The following DACH1 variants were observed in gnomAD, a reference collection of about 807,000 sequenced individuals.
The protein encoded by DACH1 is dachshund homolog 1.
In DACH1, 12 loss-of-function variants were observed where a neutral mutation model predicts 54.2. The ratio of observed to expected loss-of-function variants is 0.22; its 90% CI spans 0.14 to 0.36. The LOEUF is 0.36. DACH1 is among the 10% of genes least tolerant of loss of function. DACH1 has a pLI of 1.00. For synonymous variants in DACH1, 386 were observed against 366.2 expected, an observed-to-expected ratio of 1.05 and a Z score of -0.62; for missense variants, 805 against 929.8, an observed-to-expected ratio of 0.87 and a Z score of 1.75.
chr13:71,498,740 T>C (rs1879657259), intron 6 of DACH1, among the ~76,000 whole-genome samples: 1 of 151,784 alleles, frequency 6.6e-6, no homozygotes, highest in Non-Finnish European at 1.5e-5. Flanking sequence ...AGAGGTTGTA[T>C]GAGGAAACCA....
chr13:71,709,035 A>G (rs1223689186), intron 1 of DACH1, among the ~76,000 whole-genome samples: 1 of 151,406 alleles, frequency 6.6e-6, no homozygotes, highest in Admixed American at 6.6e-5. Flanking sequence ...TTGTATTTTT[A>G]GTAGAGACGG....
chr13:71,493,099 C>T (rs1879126767), intron 6 of DACH1, among the ~76,000 whole-genome samples: 1 of 150,792 alleles, frequency 6.6e-6, no homozygotes. Flanking sequence ...GATTTCTTAT[C>T]CTGTTAGTCA....
intron 2 of DACH1, among the ~76,000 whole-genome samples, chr13:71,661,651 C>T (rs1879497697): frequency 6.6e-6 from 1 of 151,912 alleles, no homozygotes; most frequent in Non-Finnish European, 1.5e-5. Context: ...AAAAAAAGAT[C>T]CCTTGAAATT....
At chr13:71,511,294 A>C (rs1880756013) in intron 6 of DACH1, among the ~76,000 whole-genome samples, 1 of 152,044 alleles carries the variant, frequency 6.6e-6, no homozygotes. Flanking sequence ...AGATTGAGAA[A>C]AAAATTTGTG....
intron 10 of DACH1, among the ~76,000 whole-genome samples, chr13:71,456,496 C>T (rs965676287): frequency 3.9e-5 from 6 of 151,970 alleles, no homozygotes; most frequent in African/African-American, 1.4e-4. Context: ...TTTCGAGAAG[C>T]ATTATGAATT....
chr13:71,854,518 C>T (rs1162968036), intron 1 of DACH1, among the ~76,000 whole-genome samples: 4 of 152,088 alleles, frequency 2.6e-5, no homozygotes, highest in East Asian at 3.9e-4. Context: ...GAGTTTTTAA[C>T]GTGTCTTTAT....
chr13:71,732,891 G>A (rs1484896029), intron 1 of DACH1, among the ~76,000 whole-genome samples: 1 of 152,066 alleles, frequency 6.6e-6, no homozygotes, highest in Non-Finnish European at 1.5e-5. Flanking sequence ...ACACTGGAAT[G>A]TCTTTATGGT....
intron 1 of DACH1, among the ~76,000 whole-genome samples, chr13:71,835,309 G>A (rs1402612475): frequency 6.6e-6 from 1 of 151,960 alleles, no homozygotes. Flanking sequence ...CAAAAGGACT[G>A]GAAGAAGTAA....
intron 10 of DACH1, among the ~76,000 whole-genome samples, chr13:71,462,499 C>T (rs1931482): frequency 0.92 from 139,936 of 151,736 alleles, 65,496 homozygotes; most frequent in Non-Finnish European, 1. Flanking sequence ...CCTCAAAGAA[C>T]AGCTATGTAT....
intron 1 of DACH1, among the ~76,000 whole-genome samples, chr13:71,748,497 A>G (rs1418600970): frequency 6.6e-6 from 1 of 152,204 alleles, no homozygotes; most frequent in African/African-American, 2.4e-5. Flanking sequence ...TTGCTTCGCT[A>G]GAATGATATT....
intron 1 of DACH1, among the ~76,000 whole-genome samples, chr13:71,695,080 G>A (rs1327125463): frequency 6.6e-6 from 1 of 152,190 alleles, no homozygotes; most frequent in Non-Finnish European, 1.5e-5. Context: ...TTAGAGAGAA[G>A]TCTAGAAAAG....
At position 71,747,808 on chromosome 13, in the gene DACH1, T is replaced by G. The variant is rs1331933611; in HGVS notation, c.849-65898A>C. Among the ~76,000 whole-genome samples, 5 of 152,142 alleles carry G rather than the reference T, an allele frequency of 3.3e-5. No individual in the cohort carries two copies. The East Asian group carries it at 9.6e-4, about 29-fold the overall frequency. On this transcript the variant is annotated intron_variant, in intron 1 of 10. Transcript: ENST00000613252. The stretch of plus-strand genomic sequence containing the variant: ...CATCCTAGCCTCCTTTCTCTGGGAA[T>G]TTTTAATGAATTGTGTCCTAATGGG...
chr13:71,626,209 A>T (rs1876634278), intron 3 of DACH1, among the ~76,000 whole-genome samples: 2 of 151,980 alleles, frequency 1.3e-5, no homozygotes, highest in Admixed American at 1.3e-4. Context: ...GTAAGATACT[A>T]GGTTTAGCAA....
At chr13:71,699,677 T>A (rs541607931) in intron 1 of DACH1, among the ~76,000 whole-genome samples, 1 of 152,206 alleles carries the variant, frequency 6.6e-6, no homozygotes, top group South Asian at 2.1e-4. Context: ...TGTTATTGCA[T>A]CAATCCAAAT....
chr13:71,491,426 C>T (rs1878969739), intron 6 of DACH1, among the ~76,000 whole-genome samples: 1 of 152,064 alleles, frequency 6.6e-6, no homozygotes, highest in Non-Finnish European at 1.5e-5. Context: ...TTTCCTGCAG[C>T]TGTTTTAATG....
chr13:71,710,115 T>G (rs1405760954), intron 1 of DACH1, among the ~76,000 whole-genome samples: 1 of 152,172 alleles, frequency 6.6e-6, no homozygotes, highest in African/African-American at 2.4e-5. Flanking sequence ...AATGTGATTA[T>G]AAATAGTCTA....
intron 2 of DACH1, among the ~76,000 whole-genome samples, chr13:71,634,404 C>T (rs1304175071): frequency 1.3e-5 from 2 of 152,168 alleles, no homozygotes; most frequent in Non-Finnish European, 2.9e-5. Context: ...CCGGCTCCCC[C>T]TTGCTCTCTG....
intron 1 of DACH1, among the ~76,000 whole-genome samples, chr13:71,829,910 G>T (rs763241779): frequency 6.6e-6 from 1 of 151,840 alleles, no homozygotes; most frequent in Non-Finnish European, 1.5e-5. Context: ...AAAACAGATG[G>T]TTGTGCACAA....
chr13:71,706,403 C>T (rs1370667509), intron 1 of DACH1, among the ~76,000 whole-genome samples: 3 of 151,800 alleles, frequency 2.0e-5, no homozygotes, highest in African/African-American at 4.8e-5. Flanking sequence ...ATTGAAATCC[C>T]AACAAAGATA....
Sources: gnomAD v4.1 joint callset for allele counts (sites outside exome capture counted in the v4.1 genomes callset) on GRCh38, gnomAD v4.1.1 for gene constraint, MANE v1.5 for transcripts, NCBI Gene and HGNC (gene_info 2026-07-23, HGNC 2026-07-21) for gene names.